TIE1: variants seen among roughly 807,000 people sequenced by gnomAD.
TIE1 encodes tyrosine-protein kinase receptor Tie-1.
A neutral mutation model predicts 130.5 loss-of-function variants in TIE1; 89 were observed. The observed-to-expected ratio is 0.68, with a 90% CI of 0.57 to 0.81. The LOEUF (loss-of-function observed/expected upper bound fraction) is 0.81, where lower values mean the gene tolerates loss of function less well. TIE1 is among the 40% of genes least tolerant of loss of function. The pLI is 0.00. For missense variants in TIE1, 1,392 were observed against 1,559.8 expected, an observed-to-expected ratio of 0.89 and a Z score of 1.81; for synonymous variants, 568 against 629.4, an observed-to-expected ratio of 0.90 and a Z score of 1.46.
At position 43,313,370 on chromosome 1, in the gene TIE1, C is replaced by G. The variant is rs746206542; in HGVS notation, c.2163C>G (p.Ser721Arg). 1 of 1,614,056 alleles carries G rather than the reference C, an allele frequency of 6.2e-7. No homozygotes were observed. The highest frequency in any genetic ancestry group is 1.1e-5 in the South Asian group (1 of 91,086). Residue 721 changes from serine (S) to arginine (R), a missense_variant, in exon 13 of 23, where the codon AGC (serine) becomes AGG (arginine). This residue lies in a region of TIE1 where 551 missense variants were observed against 565.5 expected (regional missense o/e 0.97). Coordinates refer to ENST00000372476, the MANE Select transcript of TIE1 (RefSeq NM_005424.5). This position sits in a 1 kb window ranked among gnomAD's most constrained non-coding sequence, Gnocchi z 6.2. ...STRYLFRMRA[S>R]IQGLGDWSNT... ...GCTACCTCTTCCGCATGCGGGCCAG[C>G]ATTCAGGGGCTCGGGGACTGGAGCA...
chr1:43,308,947 C>T (rs751418617), intron 7 of TIE1, 39 bp from the exon 8 acceptor site: 1 of 1,613,728 alleles, frequency 6.2e-7, no homozygotes, highest in Non-Finnish European at 8.5e-7. Context: ...ACGTGTCTGC[C>T]CCTGTGGGAG....
chr1:43,311,651 T>C lies in TIE1; in HGVS notation c.1334-20T>C, dbSNP rs1267698758. 6.2e-7 allele frequency: 1 copy of C among 1,607,354 alleles called. No individual in the cohort carries two copies. Among genetic ancestry groups the C allele is most frequent in the East Asian group, 2.2e-5 (1 of 44,844 alleles). The stretch of plus-strand genomic sequence containing the variant: ...CTGGATAGGCTGTGTGCCCATGCCT[T>C]ACCCTGAGTCTCCTGGCAGTGCCCC... On this transcript the variant is annotated intron_variant, in intron 9 of 22. Coordinates refer to ENST00000372476, the MANE Select transcript of TIE1 (RefSeq NM_005424.5).
At chr1:43,302,537 G>C (rs1019026661) in intron 1 of TIE1, 5 of 152,176 alleles carry the variant, frequency 3.3e-5, no homozygotes, top group African/African-American at 1.2e-4. Flanking sequence ...AGGGAATCAA[G>C]GAAGATTTCA....
At chr1:43,301,246 A>T in intron 1 of TIE1, 117 bp downstream of exon 1, 1 of 1,140,370 alleles carries the variant, frequency 8.8e-7, no homozygotes, top group Non-Finnish European at 1.2e-6. Flanking sequence ...CATGGGCTGC[A>T]GGGAGGAAGA....
chr1:43,312,007 G>A lies in TIE1; in HGVS notation c.1506G>A (p.Glu502=). Residue 502 remains glutamate, a synonymous_variant, in exon 11 of 23, where the codon GAG becomes GAA. Coordinates refer to ENST00000372476, the MANE Select transcript of TIE1 (RefSeq NM_005424.5). The surrounding 1 kb of genome is among the most constrained non-coding windows in gnomAD (Gnocchi z 5.6). Reference sequence around the variant, plus strand: ...CCCCACGCCCAGTGGACCCCAGTGAGAACGTGACGTTAATGAACCTGAGGC... The same window carrying A: ...CCCCACGCCCAGTGGACCCCAGTGAAAACGTGACGTTAATGAACCTGAGGC... The part of the protein sequence containing the change: ...DWSTIVVDPS[E]NVTLMNLRPK... The A allele has an allele frequency of 6.3e-7, 1 of 1,595,142 alleles. No individual in the cohort carries two copies. The highest frequency in any genetic ancestry group is 1.1e-5 in the South Asian group (1 of 88,622).
In TIE1 at chr1:43,305,022, C is replaced by G. The variant is rs1646711609; in HGVS notation, c.230C>G (p.Pro77Arg). The G allele has an allele frequency of 5.1e-6, 8 of 1,574,532 alleles. No individual in the cohort carries two copies. In the South Asian group the frequency reaches 9.3e-5, roughly 18 times the overall value. The change falls in exon 2 of 23, where the codon CCC (proline) becomes CGC (arginine). Residue 77 changes from proline (P) to arginine (R), a missense_variant. Pro to Arg is a moderately radical substitution (Grantham distance 103). Transcript: ENST00000372476. ...DRIVRTPPGPPLRLARNGSHQ... is the reference protein window; with the variant it reads ...DRIVRTPPGPRLRLARNGSHQ... ...ATCGTGCGCACCCCGCCCGGGCCAC[C>G]CCTGCGCCTGGCGCGCAACGGTTCG...
At chr1:43,321,563 A>G in intron 21 of TIE1, 53 bp from the exon 22 acceptor site, 3 of 1,554,790 alleles carry the variant, frequency 1.9e-6, no homozygotes, top group Non-Finnish European at 2.6e-6. Context: ...GATCCCTGTG[A>G]CCCCATCACC....
At position 43,312,231 on chromosome 1, in the gene TIE1, T is replaced by A. The variant is rs377014244; in HGVS notation, c.1631-74T>A. The A allele has an allele frequency of 9.2e-6, 14 of 1,513,546 alleles. No homozygotes were observed. The African/African-American group carries it at 9.8e-5, about 11-fold the overall frequency. The allele number at this position is 1,513,546 out of a possible 1,614,324, so 93.8% of individuals were successfully genotyped here. On this transcript the variant is annotated intron_variant, in intron 11 of 22. Transcript: ENST00000372476. This position sits in a 1 kb window ranked among gnomAD's most constrained non-coding sequence, Gnocchi z 5.6. ...TCCCACTGGAGGTTGTTCTTCCTTGTTCACTGGGGATCATTGTCCTGTCCA... is the reference window on the plus strand; with the variant it reads ...TCCCACTGGAGGTTGTTCTTCCTTGATCACTGGGGATCATTGTCCTGTCCA...
At chr1:43,304,826 A>G (rs965433322) in intron 1 of TIE1, 25 bp from the exon 2 acceptor site, 16 of 1,411,268 alleles carry the variant, frequency 1.1e-5, no homozygotes, top group Middle Eastern at 5.1e-4. Context: ...GGACTACAAT[A>G]GAGTCACTGG....
rs1473665337 is a variant in TIE1 at position 43,317,858 on chromosome 1, ACTGT to A, written c.2732-17_2732-14del. On this transcript the variant is annotated intron_variant, in intron 16 of 22. Transcript: ENST00000372476. This position sits in a 1 kb window ranked among gnomAD's most constrained non-coding sequence, Gnocchi z 5.1. ...CTAGGTTGCCTGTGTCTAAATCACC[ACTGT>A]CTGTCTCTTTGCCTCTCAGGTTACT... 1 of 1,612,088 alleles carries A rather than the reference ACTGT, an allele frequency of 6.2e-7. No homozygotes were observed. The highest frequency in any genetic ancestry group is 8.5e-7 in the Non-Finnish European group (1 of 1,178,908).
chr1:43,313,324 G>A lies in TIE1; in HGVS notation c.2117G>A (p.Arg706His), dbSNP rs765070274. ...DRPEETSTII[R>H]GLNASTRYLF... ...CCTGAGGAGACAAGCACCATCATCCGTGGCCTCAACGCCAGCACGCGCTAC... is the reference window on the plus strand; with the variant it reads ...CCTGAGGAGACAAGCACCATCATCCATGGCCTCAACGCCAGCACGCGCTAC... Residue 706 changes from arginine (R) to histidine (H), a missense_variant, in exon 13 of 23, where the codon CGT becomes CAT. By Grantham distance (29) the Arg-to-His change is conservative (BLOSUM62 0). This residue lies in a region of TIE1 where 551 missense variants were observed against 565.5 expected (regional missense o/e 0.97). Transcript: ENST00000372476. The surrounding 1 kb of genome is among the most constrained non-coding windows in gnomAD (Gnocchi z 6.2). 1.1e-5 allele frequency: 17 copies of A among 1,613,906 alleles called. No individual in the cohort carries two copies. The highest frequency in any genetic ancestry group is 2.7e-5 in the African/African-American group (2 of 74,864).
chr1:43,319,833 G>A lies in TIE1; in HGVS notation c.3107+304G>A. ...TGGCGGATGCTTCCTGAGGTAGATG[G>A]AGAGGCCACTCAGGAATTGCTCTCA... On this transcript the variant is annotated intron_variant, in intron 19 of 22. Coordinates refer to ENST00000372476, the MANE Select transcript of TIE1 (RefSeq NM_005424.5). The surrounding 1 kb of genome is among the most constrained non-coding windows in gnomAD (Gnocchi z 4.7). 2.5e-6 allele frequency: 1 copy of A among 400,200 alleles called. No individual in the cohort carries two copies. Among genetic ancestry groups the A allele is most frequent in the Non-Finnish European group, 4.7e-6 (1 of 213,634 alleles). The allele number at this position is 400,200 out of a possible 1,614,324, so 24.8% of individuals were successfully genotyped here.
In TIE1 at chr1:43,313,499, C is replaced by T; in HGVS notation, c.2218+74C>T. On this transcript the variant is annotated intron_variant, in intron 13 of 22. Transcript: ENST00000372476. This position sits in a 1 kb window ranked among gnomAD's most constrained non-coding sequence, Gnocchi z 6.2. ...CTCAGCACGCTCTCCTTCCACATCA[C>T]CCCCTACTGTGGAGCTAGGGCATCC... is the stretch of plus-strand genomic sequence containing the variant. 6.5e-7 allele frequency: 1 copy of T among 1,545,946 alleles called. No homozygotes were observed. The highest frequency in any genetic ancestry group is 8.8e-7 in the Non-Finnish European group (1 of 1,132,532).
chr1:43,308,945 GC>G (rs1296417060), intron 7 of TIE1, 40 bp from the exon 8 acceptor site: 1 of 1,613,808 alleles, frequency 6.2e-7, no homozygotes, highest in Non-Finnish European at 8.5e-7. Context: ...TCACGTGTCT[GC>G]CCCTGTGGGA....
Position 43,313,125 on chromosome 1 carries a change from A to G in TIE1, c.1928-10A>G. 6.3e-7 allele frequency: 1 copy of G among 1,593,486 alleles called. No homozygotes were observed. Among genetic ancestry groups the G allele is most frequent in the Non-Finnish European group, 8.5e-7 (1 of 1,170,588 alleles). On this transcript the variant is annotated splice_polypyrimidine_tract_variant and intron_variant, in intron 12 of 22. Coordinates refer to ENST00000372476, the MANE Select transcript of TIE1 (RefSeq NM_005424.5). This position sits in a 1 kb window ranked among gnomAD's most constrained non-coding sequence, Gnocchi z 6.2. ...TATCTGAGCCTTGCCTTCCCCCACC[A>G]TCTCCCCAGGGCCTCCAGCCCCCCG...
chr1:43,322,780 T>C lies in TIE1; in HGVS notation c.*58T>C. ...CCGGAGCAAACTCTGCTGTCTAACCTGTGACCAGTCTGACCCTTACAGCCT... is the reference window on the plus strand; with the variant it reads ...CCGGAGCAAACTCTGCTGTCTAACCCGTGACCAGTCTGACCCTTACAGCCT... On this transcript the variant is annotated 3_prime_UTR_variant, in exon 23 of 23. Transcript: ENST00000372476. The surrounding 1 kb of genome is among the most constrained non-coding windows in gnomAD (Gnocchi z 4.0). 6.5e-7 allele frequency: 1 copy of C among 1,545,904 alleles called. No individual in the cohort carries two copies. Among genetic ancestry groups the C allele is most frequent in the Non-Finnish European group, 8.9e-7 (1 of 1,124,790 alleles).
In TIE1 at chr1:43,311,658, A is replaced by G. The variant is rs755118510; in HGVS notation, c.1334-13A>G. 5.0e-6 allele frequency: 8 copies of G among 1,608,942 alleles called. No individual in the cohort carries two copies. The Admixed American group carries it at 1.3e-4, about 27-fold the overall frequency. On this transcript the variant is annotated splice_polypyrimidine_tract_variant and intron_variant, in intron 9 of 22. Transcript: ENST00000372476. The stretch of plus-strand genomic sequence containing the variant: ...GGCTGTGTGCCCATGCCTTACCCTG[A>G]GTCTCCTGGCAGTGCCCCCCGTGCC...
At chr1:43,301,156 C>T (rs1254076726) in intron 1 of TIE1, 27 bp downstream of exon 1, 1 of 1,604,550 alleles carries the variant, frequency 6.2e-7, no homozygotes, top group Non-Finnish European at 8.5e-7. Context: ...TCCCTCACCC[C>T]ATTTCTAGGC....
In TIE1 at chr1:43,301,071, T is replaced by A; in HGVS notation, c.-1T>A. The A allele has an allele frequency of 6.2e-7, 1 of 1,613,210 alleles. No homozygotes were observed. Among genetic ancestry groups the A allele is most frequent in the South Asian group, 1.1e-5 (1 of 90,888 alleles). ...GGCTGGCCTGGGTCGGCCTCTGGAG[T>A]ATGGTCTGGCGGGTGCCCCCTTTCT... On this transcript the variant is annotated 5_prime_UTR_variant, in exon 1 of 23. Coordinates refer to ENST00000372476, the MANE Select transcript of TIE1 (RefSeq NM_005424.5).
Sources: allele counts gnomAD v4.1 joint callset, GRCh38; gene constraint gnomAD v4.1.1; regional missense constraint gnomAD v4.1.1; non-coding constraint Gnocchi (gnomAD v3.1); transcripts MANE v1.5; gene names NCBI Gene and HGNC (gene_info 2026-07-23, HGNC 2026-07-21).